CNTNAP2: variants seen among roughly 807,000 people sequenced by gnomAD.
CNTNAP2 encodes the protein contactin associated protein 2, also known as contactin-associated protein-like 2.
Under a neutral mutation model 155.2 loss-of-function variants are expected in CNTNAP2, and 98 were observed. That is an observed-to-expected ratio of 0.63 (90% CI 0.54 to 0.75). The LOEUF (loss-of-function observed/expected upper bound fraction) is 0.75, where lower values mean the gene tolerates loss of function less well. Ranked by LOEUF, CNTNAP2 falls within the 30% of genes least tolerant of loss-of-function variation. The pLI is 0.00. For synonymous variants in CNTNAP2, 651 were observed against 631.2 expected, an observed-to-expected ratio of 1.03 and a Z score of -0.47; for missense variants, 1,727 against 1,688.1, an observed-to-expected ratio of 1.02 and a Z score of -0.40.
intron 1 of CNTNAP2, among the ~76,000 whole-genome samples, chr7:146,265,109 A>C (rs1799973887): frequency 6.6e-6 from 1 of 152,214 alleles, no homozygotes; most frequent in Non-Finnish European, 1.5e-5. Flanking sequence ...TTCACAGTTC[A>C]GTTTGTCTTA....
chr7:147,213,616 T>G (rs1295230210), intron 8 of CNTNAP2, among the ~76,000 whole-genome samples: 3 of 151,908 alleles, frequency 2.0e-5, no homozygotes, highest in African/African-American at 7.3e-5. Context: ...TTCAGAGAGA[T>G]AGAATCAAAA....
In CNTNAP2 at chr7:147,461,445, A is replaced by G. The variant is rs1014465030; in HGVS notation, c.1671-24490A>G. The stretch of plus-strand genomic sequence containing the variant: ...ATCCATTTTTCTGAAGGGCAATCAG[A>G]CGATTTTTATGTAAGATAATAAATC... On this transcript the variant is annotated intron_variant, in intron 10 of 23. Transcript: ENST00000361727. 1.1e-4 allele frequency among the ~76,000 whole-genome samples: 17 copies of G among 152,234 alleles called. No individual in the cohort carries two copies. In the South Asian group the frequency reaches 2.7e-3, roughly 24 times the overall value.
At chr7:147,311,364 T>C (rs1311935721) in intron 9 of CNTNAP2, among the ~76,000 whole-genome samples, 6 of 151,626 alleles carry the variant, frequency 4.0e-5, no homozygotes, top group Admixed American at 3.9e-4. Context: ...GAAGGATGAG[T>C]GAGTGGGTAG....
intron 14 of CNTNAP2, among the ~76,000 whole-genome samples, chr7:147,969,909 A>ATTGAT (rs1563152700): frequency 1.3e-5 from 2 of 149,434 alleles, no homozygotes; most frequent in Non-Finnish European, 3.0e-5. Context: ...TTAGTTATGA[A>ATTGAT]TTTATTTTAT....
intron 13 of CNTNAP2, among the ~76,000 whole-genome samples, chr7:147,743,096 A>G (rs1159591679): frequency 6.6e-6 from 1 of 152,208 alleles, no homozygotes; most frequent in African/African-American, 2.4e-5. Flanking sequence ...ACAGTCTTCT[A>G]TAGTTTTAAA....
chr7:147,050,340 T>C (rs1417862647), intron 4 of CNTNAP2, among the ~76,000 whole-genome samples: 2 of 152,200 alleles, frequency 1.3e-5, no homozygotes, highest in African/African-American at 4.8e-5. Context: ...CTGAGCGTTT[T>C]TGATGGCAAA....
chr7:146,413,134 A>G (rs1724520), intron 1 of CNTNAP2, among the ~76,000 whole-genome samples: 5,407 of 152,272 alleles, frequency 0.036, 341 homozygotes, highest in African/African-American at 0.12. Context: ...TAAAGACATG[A>G]GACTTCTCTA....
chr7:146,515,543 T>C (rs1563115424), intron 1 of CNTNAP2, among the ~76,000 whole-genome samples: 1 of 152,112 alleles, frequency 6.6e-6, no homozygotes, highest in Non-Finnish European at 1.5e-5. Context: ...AGGAGAGTGA[T>C]GCCAAATTGT....
chr7:147,861,778 G>T (rs183506942), intron 13 of CNTNAP2, among the ~76,000 whole-genome samples: 1 of 152,090 alleles, frequency 6.6e-6, no homozygotes, highest in Non-Finnish European at 1.5e-5. Context: ...CACTTTGGGA[G>T]GCTGAGGCAT....
intron 9 of CNTNAP2, among the ~76,000 whole-genome samples, chr7:147,364,876 T>A (rs892243265): frequency 6.6e-6 from 1 of 151,536 alleles, no homozygotes; most frequent in African/African-American, 2.4e-5. Flanking sequence ...TTCCTAGCCA[T>A]GTTAAAAATT....
intron 1 of CNTNAP2, among the ~76,000 whole-genome samples, chr7:146,399,440 C>T (rs766239438): frequency 1.3e-5 from 2 of 152,042 alleles, no homozygotes; most frequent in African/African-American, 2.4e-5. Flanking sequence ...CTTTCTGTGC[C>T]GGACTTATTT....
intron 11 of CNTNAP2, among the ~76,000 whole-genome samples, chr7:147,488,595 A>G (rs1369453948): frequency 1.3e-5 from 2 of 152,244 alleles, no homozygotes; most frequent in African/African-American, 4.8e-5. Context: ...TTAATATAAT[A>G]GAACATTTGT....
chr7:147,345,998 T>A (rs761740711), intron 9 of CNTNAP2, among the ~76,000 whole-genome samples: 3 of 152,170 alleles, frequency 2.0e-5, no homozygotes, highest in Non-Finnish European at 4.4e-5. Context: ...TTCTACCCAT[T>A]AATTTTACGA....
At chr7:146,133,634 C>T (rs1319960602) in intron 1 of CNTNAP2, among the ~76,000 whole-genome samples, 3 of 152,062 alleles carry the variant, frequency 2.0e-5, no homozygotes, top group Non-Finnish European at 4.4e-5. Context: ...CTACATATGG[C>T]TAGCCAGTTT....
intron 9 of CNTNAP2, among the ~76,000 whole-genome samples, chr7:147,321,237 A>C (rs1024123874): frequency 6.6e-6 from 1 of 152,030 alleles, no homozygotes; most frequent in Non-Finnish European, 1.5e-5. Flanking sequence ...AAAAGAATAA[A>C]CCTTTAGTGG....
chr7:146,928,959 A>G (rs1408913382), intron 3 of CNTNAP2, among the ~76,000 whole-genome samples: 2 of 152,232 alleles, frequency 1.3e-5, no homozygotes, highest in African/African-American at 4.8e-5. Flanking sequence ...GGAGCCCACC[A>G]CAGCTCAAGG....
At chr7:147,341,330 C>T (rs1025894195) in intron 9 of CNTNAP2, among the ~76,000 whole-genome samples, 1 of 151,740 alleles carries the variant, frequency 6.6e-6, no homozygotes, top group Non-Finnish European at 1.5e-5. Context: ...GGAGAAATAC[C>T]TAATGTAGAT....
At chr7:147,927,509 C>T (rs1033913966) in intron 14 of CNTNAP2, among the ~76,000 whole-genome samples, 1 of 152,174 alleles carries the variant, frequency 6.6e-6, no homozygotes, top group Non-Finnish European at 1.5e-5. Context: ...TAAATATATA[C>T]ATCTACTATG....
chr7:147,529,494 T>C (rs895986670), intron 11 of CNTNAP2, among the ~76,000 whole-genome samples: 1 of 152,292 alleles, frequency 6.6e-6, no homozygotes, highest in Non-Finnish European at 1.5e-5. Flanking sequence ...CTGTGGCTTT[T>C]TGAGAATTAT....
Sources: gnomAD v4.1 joint callset for allele counts (sites outside exome capture counted in the v4.1 genomes callset) on GRCh38, gnomAD v4.1.1 for gene constraint, MANE v1.5 for transcripts, NCBI Gene and HGNC (gene_info 2026-07-23, HGNC 2026-07-21) for gene names.